Variants in PTPRD observed in about 807,000 individuals in gnomAD.
PTPRD encodes protein tyrosine phosphatase receptor type D.
A neutral mutation model predicts 214.5 loss-of-function variants in PTPRD; 34 were observed. The ratio of observed to expected loss-of-function variants is 0.16; its 90% confidence interval spans 0.12 to 0.21. The LOEUF is 0.21. PTPRD is among the 10% of genes least tolerant of loss of function. The pLI is 1.00. For missense variants in PTPRD, 2,545 were observed against 2,398.7 expected (o/e 1.06, Z -1.27); for synonymous variants, 1,128 against 845.7 (o/e 1.33, Z -5.79).
intron 5 of PTPRD, among the ~76,000 whole-genome samples, chr9:9,893,611 T>C (rs1274423168): frequency 1.3e-5 from 2 of 152,130 alleles, no homozygotes. Context: ...GCTTCTTTTG[T>C]TGTTTTGACA....
At chr9:8,547,294 A>G (rs1470021425) in intron 14 of PTPRD, among the ~76,000 whole-genome samples, 1 of 152,214 alleles carries the variant, frequency 6.6e-6, no homozygotes, top group Non-Finnish European at 1.5e-5. Context: ...GAAAGGATAT[A>G]AAAAACTTAA....
chr9:10,011,799 C>T (rs4410955), intron 4 of PTPRD, among the ~76,000 whole-genome samples: 73,102 of 151,710 alleles, frequency 0.48, 21,017 homozygotes, highest in Middle Eastern at 0.67. Context: ...TTTAGAGAAG[C>T]ATTTCTTATA....
At chr9:10,331,292 C>T (rs1235432665) in intron 3 of PTPRD, among the ~76,000 whole-genome samples, 1 of 151,772 alleles carries the variant, frequency 6.6e-6, no homozygotes, top group African/African-American at 2.4e-5. Context: ...TGGCTTTGGA[C>T]CCCTGCAGTA....
intron 7 of PTPRD, among the ~76,000 whole-genome samples, chr9:9,692,959 C>T (rs1340652985): frequency 1.3e-5 from 2 of 151,832 alleles, no homozygotes; most frequent in Non-Finnish European, 2.9e-5. Flanking sequence ...ATACTGATTA[C>T]TGTATGTTGA....
At chr9:8,872,344 C>G (rs1014579123) in intron 11 of PTPRD, among the ~76,000 whole-genome samples, 2 of 152,144 alleles carry the variant, frequency 1.3e-5, no homozygotes, top group Non-Finnish European at 2.9e-5. Context: ...CATCCCCTAT[C>G]AAAAAGGCTC....
At chr9:8,781,308 C>T (rs2095686715) in intron 11 of PTPRD, among the ~76,000 whole-genome samples, 1 of 152,164 alleles carries the variant, frequency 6.6e-6, no homozygotes, top group East Asian at 1.9e-4. Context: ...CTCCAGAAGG[C>T]TTAAAAGCTG....
chr9:9,885,388 T>C (rs189263076), intron 5 of PTPRD, among the ~76,000 whole-genome samples: 9 of 152,160 alleles, frequency 5.9e-5, no homozygotes, highest in African/African-American at 2.2e-4. Flanking sequence ...TACACAAAAG[T>C]TCCACTGAGA....
intron 37 of PTPRD, among the ~76,000 whole-genome samples, chr9:8,378,294 A>T (rs369898976): frequency 6.6e-6 from 1 of 152,124 alleles, no homozygotes. Flanking sequence ...ACTGACGTAG[A>T]GTGACCAGGC....
At chr9:9,765,814 C>T (rs2098702289) in intron 6 of PTPRD, among the ~76,000 whole-genome samples, 1 of 151,502 alleles carries the variant, frequency 6.6e-6, no homozygotes, top group African/African-American at 2.4e-5. Context: ...GCACCCACCA[C>T]CACCCCTGGC....
intron 11 of PTPRD, among the ~76,000 whole-genome samples, chr9:8,822,835 T>C (rs925780549): frequency 6.6e-6 from 1 of 151,922 alleles, no homozygotes; most frequent in Non-Finnish European, 1.5e-5. Flanking sequence ...AAACCACCAG[T>C]GCTGCAGTCA....
chr9:10,554,908 C>A (rs2062155193), intron 2 of PTPRD, among the ~76,000 whole-genome samples: 1 of 152,170 alleles, frequency 6.6e-6, no homozygotes, highest in Non-Finnish European at 1.5e-5. Flanking sequence ...GATCCGCCCA[C>A]CTGGGCCTCC....
intron 14 of PTPRD, among the ~76,000 whole-genome samples, chr9:8,553,696 A>C (rs1400958125): frequency 6.6e-6 from 1 of 152,152 alleles, no homozygotes; most frequent in Non-Finnish European, 1.5e-5. Flanking sequence ...AAGCGTCTAA[A>C]ATGTATGTTC....
intron 39 of PTPRD, among the ~76,000 whole-genome samples, chr9:8,357,256 A>G (rs1268607064): frequency 6.6e-6 from 1 of 152,180 alleles, no homozygotes; most frequent in Non-Finnish European, 1.5e-5. Flanking sequence ...TGCTTTTCCT[A>G]ACTTTACCAG....
intron 3 of PTPRD, among the ~76,000 whole-genome samples, chr9:10,231,987 A>AGTGT (rs1352673296): frequency 0.014 from 1,395 of 97,510 alleles, 17 homozygotes; most frequent in African/African-American, 0.057. Context: ...AGAGAGAGAG[A>AGTGT]GAGTGTGTGT....
intron 11 of PTPRD, among the ~76,000 whole-genome samples, chr9:8,947,040 TTTG>T (rs1298256070): frequency 5.3e-5 from 8 of 150,380 alleles, no homozygotes; most frequent in African/African-American, 1.5e-4. Flanking sequence ...TTTTTTTTTT[TTTG>T]TGTGTGTGTC....
intron 8 of PTPRD, among the ~76,000 whole-genome samples, chr9:9,572,972 T>C (rs76348299): frequency 1.3e-5 from 2 of 151,620 alleles, no homozygotes; most frequent in Non-Finnish European, 3.0e-5. Flanking sequence ...ATTGTCAATA[T>C]GTACTGAAGC....
At chr9:9,075,874 T>G (rs2099750392) in intron 10 of PTPRD, among the ~76,000 whole-genome samples, 1 of 152,220 alleles carries the variant, frequency 6.6e-6, no homozygotes, top group Admixed American at 6.5e-5. Context: ...TAAACATACG[T>G]GTGCATGTGT....
At chr9:9,403,114 AC>A (rs1220270147) in intron 8 of PTPRD, among the ~76,000 whole-genome samples, 1 of 151,076 alleles carries the variant, frequency 6.6e-6, no homozygotes, top group Non-Finnish European at 1.5e-5. Flanking sequence ...ACATGGTAAA[AC>A]CCCATCTCTA....
At chr9:8,665,551 T>G (rs572989199) in intron 12 of PTPRD, among the ~76,000 whole-genome samples, 6 of 152,334 alleles carry the variant, frequency 3.9e-5, no homozygotes, top group Non-Finnish European at 8.8e-5. Context: ...TAATTAAAGA[T>G]CAATACAGAT....
Sources: gnomAD v4.1 joint callset for allele counts (sites outside exome capture counted in the v4.1 genomes callset) on GRCh38, gnomAD v4.1.1 for gene constraint, MANE v1.5 for transcripts, NCBI Gene and HGNC (gene_info 2026-07-23, HGNC 2026-07-21) for gene names.